Variants in VCAN observed in about 807,000 individuals in gnomAD.
VCAN encodes versican core protein.
A neutral mutation model predicts 245.5 loss-of-function variants in VCAN; 44 were observed. The ratio of observed to expected loss-of-function variants is 0.18; its 90% confidence interval spans 0.14 to 0.23. The LOEUF is 0.23. Ranked by LOEUF, VCAN falls within the 10% of genes least tolerant of loss-of-function variation. VCAN has a pLI of 1.00. For synonymous variants in VCAN, 1,413 were observed against 1,437.0 expected, an observed-to-expected ratio of 0.98 and a Z score of 0.38; for missense variants, 3,793 against 4,057.9, an observed-to-expected ratio of 0.93 and a Z score of 1.77.
rs756522750 is a variant in VCAN at position 83,490,360 on chromosome 5, C to T, written c.333C>T (p.Gly111=). The change falls in exon 3 of 15, where the codon GGC becomes GGT. Residue 111 remains glycine, a synonymous_variant. Coordinates refer to ENST00000265077, the MANE Select transcript of VCAN (RefSeq NM_004385.5). ...VSVPTHPEAV[G]DASLTVVKLL... ...TGCCCACACATCCCGAGGCTGTGGGCGATGCCTCCCTCACTGTGGTCAAGC... is the reference window on the plus strand; with the variant it reads ...TGCCCACACATCCCGAGGCTGTGGGTGATGCCTCCCTCACTGTGGTCAAGC... The T allele has an allele frequency of 4.2e-5, 68 of 1,614,042 alleles. No individual in the cohort carries two copies. Among genetic ancestry groups the T allele is most frequent in the East Asian group, 2.2e-4 (10 of 44,894 alleles).
rs767745674 is a variant in VCAN at position 83,521,570 on chromosome 5, A to C, written c.3264A>C (p.Pro1088=). ...DELLTGSERV[P]VLETTPVGKI... Reference sequence around the variant, plus strand: ...TGTTGACAGGTTCTGAGAGGGTCCCAGTTTTAGAAACAACTCCAGTTGGAA... The same window carrying C: ...TGTTGACAGGTTCTGAGAGGGTCCCCGTTTTAGAAACAACTCCAGTTGGAA... Residue 1088 remains proline (P), a synonymous_variant, in exon 7 of 15, where the codon CCA becomes CCC. Transcript: ENST00000265077. The C allele has an allele frequency of 1.2e-6, 2 of 1,613,996 alleles. No individual in the cohort carries two copies. Among genetic ancestry groups the C allele is most frequent in the Admixed American group, 1.7e-5 (1 of 60,000 alleles).
intron 13 of VCAN, among the ~76,000 whole-genome samples, chr5:83,572,970 G>A (rs1304421921): frequency 6.6e-6 from 1 of 151,382 alleles, no homozygotes; most frequent in Non-Finnish European, 1.5e-5. Flanking sequence ...GTGTGATCTT[G>A]GCTCACGGCA....
intron 10 of VCAN, among the ~76,000 whole-genome samples, chr5:83,550,493 A>T (rs1412196647): frequency 1.3e-5 from 2 of 152,254 alleles, no homozygotes; most frequent in African/African-American, 4.8e-5. Context: ...AAAAACAAAT[A>T]GACTATTTCT....
rs1375699247 is a variant in VCAN at position 83,537,082 on chromosome 5, A to C, written c.4079A>C (p.Glu1360Ala). 2 of 1,613,830 alleles carry C rather than the reference A, an allele frequency of 1.2e-6. No homozygotes were observed. The highest frequency in any genetic ancestry group is 3.3e-5 in the Admixed American group (2 of 59,972). ...AAAGAAGATGAACCTTGTAGTGAAG[A>C]AACAGATCCAGTGCATGATCTAATG... ...ESKEDEPCSE[E>A]TDPVHDLMAE... Residue 1360 changes from glutamate to alanine, a missense_variant, in exon 8 of 15, where the codon GAA (glutamate) becomes GCA (alanine). Coordinates refer to ENST00000265077, the MANE Select transcript of VCAN (RefSeq NM_004385.5).
chr5:83,511,649 A>G (rs758564480), intron 5 of VCAN, among the ~76,000 whole-genome samples: 1 of 151,660 alleles, frequency 6.6e-6, no homozygotes, highest in Non-Finnish European at 1.5e-5. Flanking sequence ...GAGAATTACT[A>G]TTTGATTTTA....
rs1580040141 is a variant in VCAN, at chr5:83,537,525, G to A, written c.4522G>A (p.Glu1508Lys). 6.2e-7 allele frequency: 1 copy of A among 1,613,890 alleles called. No individual in the cohort carries two copies. Residue 1508 changes from glutamate (E) to lysine (K), a missense_variant, in exon 8 of 15, where the codon GAG (glutamate) becomes AAG (lysine). Coordinates refer to ENST00000265077, the MANE Select transcript of VCAN (RefSeq NM_004385.5). ...PDVFPTVPFH[E>K]EFESGTAKKG... ...TGTTTTCCCCACAGTCCCATTCCAT[G>A]AGGAATTTGAAAGTGGAACAGCCAA...
chr5:83,490,430 G>C lies in VCAN; in HGVS notation c.403G>C (p.Gly135Arg). ...TCTTTACCGCTGTGACGTCATGTAC[G>C]GGATTGAAGACACACAAGACACGGT... Reference protein sequence around the residue: ...AGLYRCDVMYGIEDTQDTVSL... With the variant: ...AGLYRCDVMYRIEDTQDTVSL... Residue 135 changes from glycine (G) to arginine (R), a missense_variant, in exon 3 of 15, where the codon GGG (glycine) becomes CGG (arginine). Gly to Arg is a moderately radical substitution (Grantham distance 125). This residue lies in a region of VCAN where 179 missense variants were observed against 169.7 expected (regional missense o/e 1.05). Transcript: ENST00000265077. 1 of 1,614,154 alleles carries C rather than the reference G, an allele frequency of 6.2e-7. No individual in the cohort carries two copies. Among genetic ancestry groups the C allele is most frequent in the East Asian group, 2.2e-5 (1 of 44,880 alleles).
At chr5:83,480,400 T>C (rs1744571683) in intron 1 of VCAN, among the ~76,000 whole-genome samples, 1 of 152,198 alleles carries the variant, frequency 6.6e-6, no homozygotes, top group South Asian at 2.1e-4. Flanking sequence ...TTTGGTTTTT[T>C]TAAATGAGAT....
At chr5:83,533,319 C>T (rs1388486385) in intron 7 of VCAN, among the ~76,000 whole-genome samples, 1 of 152,026 alleles carries the variant, frequency 6.6e-6, no homozygotes, top group Non-Finnish European at 1.5e-5. Flanking sequence ...AGTACATTTG[C>T]AATAAGTACA....
chr5:83,572,026 C>T (rs1335296262), intron 12 of VCAN, among the ~76,000 whole-genome samples: 1 of 152,012 alleles, frequency 6.6e-6, no homozygotes, highest in African/African-American at 2.4e-5. Flanking sequence ...TTTATATGTG[C>T]ACATAAGAGG....
chr5:83,495,222 A>T (rs1299688001), intron 5 of VCAN, among the ~76,000 whole-genome samples: 1 of 152,204 alleles, frequency 6.6e-6, no homozygotes, highest in African/African-American at 2.4e-5. Flanking sequence ...CAACATTAAA[A>T]TTCTGTGATT....
intron 12 of VCAN, among the ~76,000 whole-genome samples, chr5:83,564,666 C>T (rs67827860): frequency 0.16 from 23,959 of 149,730 alleles, 2,571 homozygotes; most frequent in South Asian, 0.42. Flanking sequence ...AGGGCTTTTG[C>T]AGGGTTTTTT....
At chr5:83,484,310 C>T (rs562132327) in intron 2 of VCAN, among the ~76,000 whole-genome samples, 1 of 152,250 alleles carries the variant, frequency 6.6e-6, no homozygotes, top group African/African-American at 2.4e-5. Context: ...TATTCATTAC[C>T]CCTCCATCCA....
chr5:83,516,076 C>T (rs1745844861), intron 6 of VCAN, among the ~76,000 whole-genome samples: 1 of 152,094 alleles, frequency 6.6e-6, no homozygotes. Flanking sequence ...ACTAAAAATA[C>T]AAAAAATTAG....
intron 5 of VCAN, among the ~76,000 whole-genome samples, chr5:83,504,995 A>T (rs1395114802): frequency 6.6e-6 from 1 of 152,094 alleles, no homozygotes; most frequent in Admixed American, 6.6e-5. Flanking sequence ...GAGACTTATT[A>T]ACTATTATGA....
chr5:83,576,857 G>A (rs1441581782), intron 13 of VCAN, among the ~76,000 whole-genome samples: 1 of 152,030 alleles, frequency 6.6e-6, no homozygotes, highest in Admixed American at 6.6e-5. Context: ...ATCACTTGAA[G>A]CTCTGCTTTT....
rs1445034198 is a variant in VCAN, at chr5:83,541,614, A to C, written c.8611A>C (p.Asn2871His). 2 of 1,613,908 alleles carry C rather than the reference A, an allele frequency of 1.2e-6. No homozygotes were observed. Among genetic ancestry groups the C allele is most frequent in the Non-Finnish European group, 1.7e-6 (2 of 1,179,996 alleles). The part of the protein sequence containing the change: ...PQDSFKEIHV[N>H]IEATFKPSSE... ...GGATTCTTTTAAGGAAATTCATGTA[A>C]ATATTGAAGCGACTTTCAAACCATC... Residue 2871 changes from asparagine (N) to histidine (H), a missense_variant, in exon 8 of 15, where the codon AAT (asparagine) becomes CAT (histidine). By Grantham distance (68) the Asn-to-His change is moderately conservative. This residue lies in a region of VCAN where 3,182 missense variants were observed against 3,250.3 expected (regional missense o/e 0.98). Coordinates refer to ENST00000265077, the MANE Select transcript of VCAN (RefSeq NM_004385.5).
At chr5:83,545,163 C>A (rs1000377369) in intron 8 of VCAN, 7 of 318,386 alleles carry the variant, frequency 2.2e-5, no homozygotes, top group Non-Finnish European at 3.0e-5. Flanking sequence ...CATGAACTAA[C>A]CCCATTTAAA....
In VCAN at chr5:83,539,174, A is replaced by G. The variant is rs1746856533; in HGVS notation, c.6171A>G (p.Arg2057=). 1.2e-6 allele frequency: 2 copies of G among 1,614,022 alleles called. No homozygotes were observed. Among genetic ancestry groups the G allele is most frequent in the African/African-American group, 2.7e-5 (2 of 75,064 alleles). Residue 2057 remains arginine, a synonymous_variant, in exon 8 of 15, where the codon AGA becomes AGG. Coordinates refer to ENST00000265077, the MANE Select transcript of VCAN (RefSeq NM_004385.5). ...GTACTGTCAATGAAATTGATAGAAG[A>G]TCCACCATTTTACCAACAGCAGAAG... The part of the protein sequence containing the change: ...EVGTVNEIDR[R]STILPTAEVE...
Sources: gnomAD v4.1 joint callset for allele counts (sites outside exome capture counted in the v4.1 genomes callset) on GRCh38, gnomAD v4.1.1 for gene constraint, gnomAD v4.1.1 regional missense constraint, MANE v1.5 for transcripts, NCBI Gene and HGNC (gene_info 2026-07-23, HGNC 2026-07-21) for gene names.